WWOX: variants seen among roughly 807,000 people sequenced by gnomAD.
WWOX encodes the protein WW domain-containing oxidoreductase.
In WWOX, 69 loss-of-function variants were observed where a neutral mutation model predicts 46.2. That is an observed-to-expected ratio of 1.49 (90% CI 1.23 to 1.82). WWOX has a LOEUF of 1.82. WWOX is among the 40% of genes most tolerant of loss of function. WWOX has a pLI of 0.00. For missense variants in WWOX, 919 were observed against 542.6 expected (o/e 1.69, Z -6.89); for synonymous variants, 359 against 202.6 (o/e 1.77, Z -6.56).
At chr16:78,314,342 G>A (rs1019402513) in intron 5 of WWOX, among the ~76,000 whole-genome samples, 2 of 148,632 alleles carry the variant, frequency 1.3e-5, no homozygotes, top group Non-Finnish European at 3.0e-5. Context: ...GGACGCAGAG[G>A]TTGCAGTGAG....
At chr16:78,155,245 G>A (rs1011868477) in intron 4 of WWOX, among the ~76,000 whole-genome samples, 1 of 151,530 alleles carries the variant, frequency 6.6e-6, no homozygotes, top group African/African-American at 2.4e-5. Context: ...AGGGAGGGAG[G>A]AAGGAAGGAA....
intron 8 of WWOX, among the ~76,000 whole-genome samples, chr16:78,521,547 G>T (rs772027915): frequency 6.6e-6 from 1 of 152,156 alleles, no homozygotes; most frequent in Non-Finnish European, 1.5e-5. Context: ...TCGTTAAATA[G>T]AGTTCTACTT....
At chr16:79,126,382 G>C (rs140027251) in intron 8 of WWOX, among the ~76,000 whole-genome samples, 109 of 152,256 alleles carry the variant, frequency 7.2e-4, no homozygotes, top group African/African-American at 2.6e-3. Context: ...TCAAAGGAGG[G>C]ACCAGGTGGA....
chr16:78,554,148 A>G (rs963917325), intron 8 of WWOX, among the ~76,000 whole-genome samples: 2 of 152,162 alleles, frequency 1.3e-5, no homozygotes, highest in African/African-American at 2.4e-5. Flanking sequence ...CCATGCAGAA[A>G]AGTGCTGAAG....
intron 8 of WWOX, among the ~76,000 whole-genome samples, chr16:79,181,358 CTTTTCAATTTT>C (rs1046182246): frequency 6.6e-6 from 1 of 152,108 alleles, no homozygotes; most frequent in African/African-American, 2.4e-5. Flanking sequence ...CATTCCATTT[CTTTTCAATTTT>C]GATATTATTG....
intron 4 of WWOX, among the ~76,000 whole-genome samples, chr16:78,159,780 T>C (rs2034730113): frequency 6.6e-6 from 1 of 151,682 alleles, no homozygotes; most frequent in Admixed American, 6.6e-5. Context: ...TACTATTTTG[T>C]AGCTTGCCCT....
intron 8 of WWOX, among the ~76,000 whole-genome samples, chr16:79,128,214 T>C (rs1052027775): frequency 2.6e-5 from 4 of 152,196 alleles, no homozygotes; most frequent in Admixed American, 2.6e-4. Flanking sequence ...AAAAGCTTAA[T>C]GTTGTTTGTG....
At chr16:78,982,932 T>A (rs570181429) in intron 8 of WWOX, among the ~76,000 whole-genome samples, 1 of 152,322 alleles carries the variant, frequency 6.6e-6, no homozygotes, top group South Asian at 2.1e-4. Context: ...AAAATTACCC[T>A]GAGCAGATTG....
chr16:79,022,227 C>T (rs532991184), intron 8 of WWOX, among the ~76,000 whole-genome samples: 27 of 152,076 alleles, frequency 1.8e-4, no homozygotes, highest in African/African-American at 6.0e-4. Flanking sequence ...CTGGGATCAG[C>T]GCCCAATGGG....
chr16:78,901,187 A>C (rs1430427559), intron 8 of WWOX, among the ~76,000 whole-genome samples: 1 of 152,152 alleles, frequency 6.6e-6, no homozygotes, highest in Non-Finnish European at 1.5e-5. Flanking sequence ...TATCCATGAG[A>C]GTAGGTGCTG....
chr16:78,305,732 A>G (rs2080123731), intron 5 of WWOX, among the ~76,000 whole-genome samples: 1 of 152,314 alleles, frequency 6.6e-6, no homozygotes, highest in African/African-American at 2.4e-5. Context: ...AGCCCACATT[A>G]AACAATTAGC....
chr16:79,142,743 G>A (rs988580458), intron 8 of WWOX, among the ~76,000 whole-genome samples: 1 of 152,110 alleles, frequency 6.6e-6, no homozygotes, highest in African/African-American at 2.4e-5. Context: ...CCGTTCCCTA[G>A]GCGGGACTGC....
At chr16:78,359,120 C>A (rs2151912047) in intron 5 of WWOX, among the ~76,000 whole-genome samples, 1 of 152,214 alleles carries the variant, frequency 6.6e-6, no homozygotes, top group East Asian at 1.9e-4. Flanking sequence ...TATACTCTTT[C>A]TGTAGCAGTG....
chr16:78,659,439 A>T lies in WWOX; in HGVS notation c.1056+226687A>T, dbSNP rs569736602. On this transcript the variant is annotated intron_variant, in intron 8 of 8. Transcript: ENST00000566780. Reference sequence around the variant, plus strand: ...TCGCCCCACCCCGCCAGACTTCCTGAACCAGAAACTCTGGGAGTAGGGCTC... The same window carrying T: ...TCGCCCCACCCCGCCAGACTTCCTGTACCAGAAACTCTGGGAGTAGGGCTC... Among the ~76,000 whole-genome samples the T allele has an allele frequency of 7.2e-4, 109 of 152,260 alleles. No individual in the cohort carries two copies. The South Asian group carries it at 0.019, about 26-fold the overall frequency.
At chr16:78,929,651 C>G (rs971849876) in intron 8 of WWOX, among the ~76,000 whole-genome samples, 2 of 151,986 alleles carry the variant, frequency 1.3e-5, no homozygotes, top group Non-Finnish European at 2.9e-5. Context: ...GTTGGGATGG[C>G]GACTAAAGAC....
intron 8 of WWOX, among the ~76,000 whole-genome samples, chr16:78,437,006 T>C (rs144345795): frequency 6.6e-6 from 1 of 152,352 alleles, no homozygotes; most frequent in East Asian, 1.9e-4. Context: ...GCAATGTCCC[T>C]ATCACCAGAT....
chr16:78,644,831 T>C (rs557245228), intron 8 of WWOX, among the ~76,000 whole-genome samples: 9 of 152,246 alleles, frequency 5.9e-5, no homozygotes, highest in Admixed American at 2.6e-4. Context: ...AAGAATACAC[T>C]AGTAGGTACA....
chr16:78,882,839 AAAG>A (rs890380496), intron 8 of WWOX, among the ~76,000 whole-genome samples: 1 of 152,052 alleles, frequency 6.6e-6, no homozygotes, highest in Non-Finnish European at 1.5e-5. Context: ...AAAAAAAAAA[AAAG>A]GGCATTAATG....
intron 8 of WWOX, among the ~76,000 whole-genome samples, chr16:78,649,695 A>G (rs1012695373): frequency 6.6e-6 from 1 of 152,094 alleles, no homozygotes; most frequent in Non-Finnish European, 1.5e-5. Context: ...TGCTAAAATT[A>G]TTTGTTACTG....
Sources: gnomAD v4.1 joint callset for allele counts (sites outside exome capture counted in the v4.1 genomes callset) on GRCh38, gnomAD v4.1.1 for gene constraint, MANE v1.5 for transcripts, NCBI Gene and HGNC (gene_info 2026-07-23, HGNC 2026-07-21) for gene names.